STON2: variants seen among roughly 807,000 people sequenced by gnomAD.
The protein encoded by STON2 is stonin-2.
In STON2, 29 loss-of-function variants were observed where a neutral mutation model predicts 65.7. That is an observed-to-expected ratio of 0.44 (90% CI 0.33 to 0.60). STON2 has a LOEUF of 0.60. Ranked by LOEUF, STON2 falls within the 20% of genes least tolerant of loss-of-function variation. The pLI is 0.03. For missense variants in STON2, 1,054 were observed against 1,118.1 expected, an observed-to-expected ratio of 0.94 and a Z score of 0.82; for synonymous variants, 404 against 414.2, an observed-to-expected ratio of 0.98 and a Z score of 0.30.
At chr14:81,304,748 G>A (rs929012588) in intron 5 of STON2, among the ~76,000 whole-genome samples, 1 of 151,832 alleles carries the variant, frequency 6.6e-6, no homozygotes, top group Admixed American at 6.6e-5. Context: ...AGGAAGGGAG[G>A]GAGGGATGGA....
In STON2 at chr14:81,263,389, T is replaced by G. The variant is rs968663865; in HGVS notation, c.*5025A>C. Among the ~76,000 whole-genome samples, 1 of 151,858 alleles carries G rather than the reference T, an allele frequency of 6.6e-6. No homozygotes were observed. Among genetic ancestry groups the G allele is most frequent in the African/African-American group, 2.4e-5 (1 of 41,354 alleles). On this transcript the variant is annotated 3_prime_UTR_variant, in exon 8 of 8. Coordinates refer to ENST00000614646, the MANE Select transcript of STON2 (RefSeq NM_001394390.1). ...CCCATCTCTACTAAAAATACAAAAA[T>G]TAGTCAGGCGTGGTGGCACATGCCT...
intron 4 of STON2, among the ~76,000 whole-genome samples, chr14:81,325,872 G>A (rs1253621685): frequency 1.3e-5 from 2 of 152,066 alleles, no homozygotes; most frequent in Non-Finnish European, 2.9e-5. Flanking sequence ...ATAAAGAAGA[G>A]GGACTCACAC....
rs6574634 is a variant in STON2 at position 81,263,407 on chromosome 14, A to G, written c.*5007T>C. On this transcript the variant is annotated 3_prime_UTR_variant, in exon 8 of 8. Coordinates refer to ENST00000614646, the MANE Select transcript of STON2 (RefSeq NM_001394390.1). ...ACAAAAATTAGTCAGGCGTGGTGGC[A>G]CATGCCTGTAGTCCCAGCTACTCGG... Among the ~76,000 whole-genome samples the G allele has an allele frequency of 0.8, 121,182 of 151,740 alleles. 49,457 individuals carry two copies. Among genetic ancestry groups the G allele is most frequent in the African/African-American group, 0.94 (38,986 of 41,428 alleles).
intron 5 of STON2, among the ~76,000 whole-genome samples, chr14:81,307,975 T>G (rs1206778100): frequency 6.6e-6 from 1 of 152,176 alleles, no homozygotes; most frequent in Non-Finnish European, 1.5e-5. Flanking sequence ...AACTCCCATG[T>G]TGTTCAAGGG....
At chr14:81,431,778 A>C (rs1181799914) in intron 1 of STON2, among the ~76,000 whole-genome samples, 3 of 136,150 alleles carry the variant, frequency 2.2e-5, no homozygotes, top group Non-Finnish European at 4.8e-5. Flanking sequence ...ACTCTGTCTC[A>C]AAAAAAAAAA....
chr14:81,280,201 C>T (rs1035901692), intron 5 of STON2, among the ~76,000 whole-genome samples: 1 of 152,088 alleles, frequency 6.6e-6, no homozygotes, highest in Non-Finnish European at 1.5e-5. Context: ...GAAAGAGATA[C>T]AGGACTTGGG....
rs781125181 is a variant in STON2, at chr14:81,268,377, T to G, written c.*37A>C. The stretch of plus-strand genomic sequence containing the variant: ...CATGACTCAGGAAGACACCCTATCA[T>G]GACTCTGGGATCAGGATTCCTTGCC... On this transcript the variant is annotated 3_prime_UTR_variant, in exon 8 of 8. Coordinates refer to ENST00000614646, the MANE Select transcript of STON2 (RefSeq NM_001394390.1). 2 of 1,288,718 alleles carry G rather than the reference T, an allele frequency of 1.6e-6. No homozygotes were observed. Among genetic ancestry groups the G allele is most frequent in the East Asian group, 1.1e-4 (2 of 18,028 alleles). 79.8% of individuals were successfully genotyped at this position (1,288,718 alleles called of 1,614,324 possible).
chr14:81,270,626 A>G, intron 7 of STON2, 44 bp downstream of exon 7: 1 of 1,614,170 alleles, frequency 6.2e-7, no homozygotes, highest in East Asian at 2.2e-5. Flanking sequence ...AGTGGGGTGA[A>G]CAAATGGAGT....
chr14:81,303,850 C>A (rs138502653), intron 5 of STON2, among the ~76,000 whole-genome samples: 1 of 152,264 alleles, frequency 6.6e-6, no homozygotes, highest in East Asian at 1.9e-4. Flanking sequence ...TGAAGTAGAA[C>A]GCATATACAG....
intron 3 of STON2, among the ~76,000 whole-genome samples, chr14:81,381,443 AC>A (rs1899509228): frequency 6.6e-6 from 1 of 152,232 alleles, no homozygotes; most frequent in African/African-American, 2.4e-5. Context: ...CATTGAATGC[AC>A]CAGGAACTCC....
chr14:81,342,958 C>A (rs1022897375), intron 4 of STON2, among the ~76,000 whole-genome samples: 1 of 152,124 alleles, frequency 6.6e-6, no homozygotes, highest in Admixed American at 6.5e-5. Context: ...ACAAGTCAAG[C>A]GGCAATGCCT....
intron 3 of STON2, among the ~76,000 whole-genome samples, chr14:81,380,314 G>C (rs554033830): frequency 3.9e-5 from 6 of 152,256 alleles, no homozygotes; most frequent in Non-Finnish European, 7.4e-5. Context: ...AGTCAGAATG[G>C]CTATTATCAA....
chr14:81,357,155 C>A (rs1403135192), intron 4 of STON2, among the ~76,000 whole-genome samples: 1 of 151,578 alleles, frequency 6.6e-6, no homozygotes, highest in East Asian at 2.0e-4. Context: ...ACTCATCTGA[C>A]AAAGGGCTAA....
At chr14:81,392,372 T>C (rs932333574) in intron 3 of STON2, among the ~76,000 whole-genome samples, 3 of 152,158 alleles carry the variant, frequency 2.0e-5, no homozygotes, top group Non-Finnish European at 2.9e-5. Flanking sequence ...AACTCTGGCC[T>C]CGCTGAGAGT....
At chr14:81,411,762 C>T (rs1901172467) in intron 2 of STON2, among the ~76,000 whole-genome samples, 1 of 152,128 alleles carries the variant, frequency 6.6e-6, no homozygotes, top group African/African-American at 2.4e-5. Context: ...GTAAATGACA[C>T]AGATATAGAC....
At chr14:81,357,709 T>TA (rs1310634046) in intron 4 of STON2, among the ~76,000 whole-genome samples, 5 of 152,052 alleles carry the variant, frequency 3.3e-5, no homozygotes, top group African/African-American at 1.2e-4. Context: ...TACGCAGCCA[T>TA]AAAAAATGAT....
At chr14:81,334,153 A>T (rs1472105082) in intron 4 of STON2, among the ~76,000 whole-genome samples, 2 of 152,230 alleles carry the variant, frequency 1.3e-5, no homozygotes, top group Non-Finnish European at 2.9e-5. Flanking sequence ...TCATTAAACC[A>T]GCCTTCTCTA....
chr14:81,296,993 A>T (rs1895787300), intron 5 of STON2, among the ~76,000 whole-genome samples: 1 of 152,176 alleles, frequency 6.6e-6, no homozygotes, highest in Non-Finnish European at 1.5e-5. Context: ...TTATGGTATG[A>T]GTTTTTCTTT....
chr14:81,307,168 AAC>A (rs1174233643), intron 5 of STON2, among the ~76,000 whole-genome samples: 1 of 152,230 alleles, frequency 6.6e-6, no homozygotes, highest in Non-Finnish European at 1.5e-5. Context: ...AAATTTAAAA[AAC>A]ACACAGAAAG....
Sources: allele counts gnomAD v4.1 joint callset (sites outside exome capture counted in the v4.1 genomes callset), GRCh38; gene constraint gnomAD v4.1.1; transcripts MANE v1.5; gene names NCBI Gene and HGNC (gene_info 2026-07-23, HGNC 2026-07-21).